Variants in B4GALNT2 observed in about 807,000 individuals in gnomAD.
B4GALNT2 encodes beta-1,4-N-acetyl-galactosaminyltransferase 2 (SID blood group), also known as N-acetylneuraminylgalactosylglucosyl-glucoside beta-1,4-N- acetylgalactosaminyltransferase 2.
Under a neutral mutation model 51.1 loss-of-function variants are expected in B4GALNT2, and 42 were observed. The observed-to-expected ratio is 0.82, with a 90% CI of 0.64 to 1.06. The LOEUF is 1.06. Among genes scored for constraint, B4GALNT2 ranks in the 50% least tolerant of loss-of-function variants. The pLI is 0.00. For missense variants in B4GALNT2, 602 were observed against 633.6 expected (o/e 0.95, Z 0.54); for synonymous variants, 253 against 251.7 (o/e 1.01, Z -0.05).
At position 49,175,325 on chromosome 17, in the gene B4GALNT2, C is replaced by T. The variant is rs1010185522; in HGVS notation, c.*5597C>T. 6.6e-6 allele frequency: 1 copy of T among 152,138 alleles called. No homozygotes were observed. Among genetic ancestry groups the T allele is most frequent in the Admixed American group, 6.6e-5 (1 of 15,258 alleles). The allele number at this position is 152,138 out of a possible 1,614,324, so 9.4% of individuals were successfully genotyped here. Reference sequence around the variant, plus strand: ...CTCCTATTCGTTTAATTTCACTTTTCCCCATTTCCACATACGGCACAATCA... The same window carrying T: ...CTCCTATTCGTTTAATTTCACTTTTTCCCATTTCCACATACGGCACAATCA... On this transcript the variant is annotated 3_prime_UTR_variant, in exon 11 of 11. Coordinates refer to ENST00000393354, the MANE Select transcript of B4GALNT2 (RefSeq NM_001159387.2).
chr17:49,148,678 G>A, intron 3 of B4GALNT2: 1 of 563,210 alleles, frequency 1.8e-6, no homozygotes, highest in African/African-American at 1.9e-5. Flanking sequence ...TTCATGACAT[G>A]AAGGTCGGGC....
chr17:49,137,265 G>A (rs893001761), intron 1 of B4GALNT2, among the ~76,000 whole-genome samples: 1 of 152,138 alleles, frequency 6.6e-6, no homozygotes, highest in Non-Finnish European at 1.5e-5. Context: ...TCCCCAATTA[G>A]ACAATGTTAA....
chr17:49,154,039 T>TCC (rs397706255), intron 4 of B4GALNT2, among the ~76,000 whole-genome samples: 1 of 150,104 alleles, frequency 6.7e-6, no homozygotes, highest in Admixed American at 6.7e-5. Flanking sequence ...GGAGTCTTGC[T>TCC]GTCACCCAGG....
At chr17:49,155,131 A>C (rs888514760) in intron 4 of B4GALNT2, among the ~76,000 whole-genome samples, 1 of 151,700 alleles carries the variant, frequency 6.6e-6, no homozygotes, top group Non-Finnish European at 1.5e-5. Flanking sequence ...CAACATAGTG[A>C]AACCTTGTCT....
rs1243575783 is a variant in B4GALNT2, at chr17:49,175,970, A to G, written c.*6242A>G. 6.6e-6 allele frequency: 1 copy of G among 152,146 alleles called. No individual in the cohort carries two copies. The highest frequency in any genetic ancestry group is 6.5e-5 in the Admixed American group (1 of 15,270). 9.4% of individuals were successfully genotyped at this position (152,146 alleles called of 1,614,324 possible). ...AACCTGCTGTGTCATCTCTTCTGTT[A>G]CTTTGTTATACTTTCCTTCCTTCTC... On this transcript the variant is annotated 3_prime_UTR_variant, in exon 11 of 11. Transcript: ENST00000393354.
chr17:49,143,543 T>C (rs1278064287), intron 3 of B4GALNT2, among the ~76,000 whole-genome samples: 1 of 152,170 alleles, frequency 6.6e-6, no homozygotes, highest in African/African-American at 2.4e-5. Context: ...AGTGCTCAAT[T>C]AACTGAGCCT....
chr17:49,128,456 G>A (rs764406684), upstream of B4GALNT2, among the ~76,000 whole-genome samples: 3 of 152,124 alleles, frequency 2.0e-5, no homozygotes, highest in Admixed American at 6.6e-5. Context: ...AAGGAGTTTT[G>A]GAGGAAGGAG....
chr17:49,130,782 A>C (rs540156936), upstream of B4GALNT2, among the ~76,000 whole-genome samples: 30 of 152,278 alleles, frequency 2.0e-4, no homozygotes, highest in African/African-American at 7.0e-4. Flanking sequence ...TTTTTGCCCA[A>C]GATATATGCT....
rs2042964954 is a variant in B4GALNT2, at chr17:49,172,755, A to G, written c.*3027A>G. On this transcript the variant is annotated 3_prime_UTR_variant, in exon 11 of 11. Transcript: ENST00000393354. ...GCTGGAATGCCCATCACCGCAAAAC[A>G]CTGCAAAAGGTGACGTTTAACACAG... is the stretch of plus-strand genomic sequence containing the variant. 1 of 152,162 alleles carries G rather than the reference A, an allele frequency of 6.6e-6. No individual in the cohort carries two copies. Among genetic ancestry groups the G allele is most frequent in the Non-Finnish European group, 1.5e-5 (1 of 68,038 alleles). 9.4% of individuals were successfully genotyped at this position (152,162 alleles called of 1,614,324 possible).
At chr17:49,163,529 G>A (rs891687143) in intron 7 of B4GALNT2, among the ~76,000 whole-genome samples, 4 of 152,092 alleles carry the variant, frequency 2.6e-5, no homozygotes, top group Non-Finnish European at 5.9e-5. Flanking sequence ...GCCGAGGCAG[G>A]TGGATCACCT....
intron 9 of B4GALNT2, among the ~76,000 whole-genome samples, chr17:49,167,589 T>C (rs1416900153): frequency 1.3e-5 from 2 of 151,424 alleles, no homozygotes; most frequent in Non-Finnish European, 2.9e-5. Flanking sequence ...CACAGGTAAT[T>C]TTTCAACCCT....
chr17:49,164,113 C>T lies in B4GALNT2; in HGVS notation c.792C>T (p.Thr264=), dbSNP rs751789672. 6.2e-7 allele frequency: 1 copy of T among 1,614,072 alleles called. No homozygotes were observed. The highest frequency in any genetic ancestry group is 8.5e-7 in the Non-Finnish European group (1 of 1,179,980). ...GPERKLRNLV[T]IATKTFLRPH... Reference sequence around the variant, plus strand: ...AGAGGAAGCTCAGAAACCTGGTTACCATTGCTACCAAGACTTTCCTCCGCC... The same window carrying T: ...AGAGGAAGCTCAGAAACCTGGTTACTATTGCTACCAAGACTTTCCTCCGCC... The change falls in exon 8 of 11, where the codon ACC becomes ACT. Residue 264 remains threonine, a synonymous_variant. Coordinates refer to ENST00000393354, the MANE Select transcript of B4GALNT2 (RefSeq NM_001159387.2).
chr17:49,176,632 G>T lies in B4GALNT2; in HGVS notation c.*6904G>T, dbSNP rs2042990678. 6.6e-6 allele frequency: 1 copy of T among 152,158 alleles called. No individual in the cohort carries two copies. Among genetic ancestry groups the T allele is most frequent in the African/African-American group, 2.4e-5 (1 of 41,424 alleles). The allele number at this position is 152,158 out of a possible 1,614,324, so 9.4% of individuals were successfully genotyped here. A position where few individuals can be genotyped will look rare whatever the true frequency, so the allele number is the denominator to read the frequency against. ...ATGGCCATCATGAACATGTCACAGT[G>T]CTGCAGAGATTTTATTTATGGCCAG... is the stretch of plus-strand genomic sequence containing the variant. On this transcript the variant is annotated 3_prime_UTR_variant, in exon 11 of 11. Transcript: ENST00000393354.
chr17:49,148,156 C>T (rs1198395870), intron 3 of B4GALNT2, among the ~76,000 whole-genome samples: 1 of 151,634 alleles, frequency 6.6e-6, no homozygotes, highest in East Asian at 1.9e-4. Flanking sequence ...AAAAATTAGT[C>T]GAGCGTGATG....
Position 49,169,655 on chromosome 17 carries a change from C to T in B4GALNT2, c.1448C>T (p.Ser483Phe). 6.2e-7 allele frequency: 1 copy of T among 1,610,982 alleles called. No homozygotes were observed. The highest frequency in any genetic ancestry group is 8.5e-7 in the Non-Finnish European group (1 of 1,178,030). ...ALEKTYNTYR[S>F]NTLTRVQFKL... ...GAGAAGACCTACAATACATACCGGTCCAACACCCTCACCCGGGTCCAGTTC... is the reference window on the plus strand; with the variant it reads ...GAGAAGACCTACAATACATACCGGTTCAACACCCTCACCCGGGTCCAGTTC... The change falls in exon 11 of 11, where the codon TCC becomes TTC. Residue 483 changes from serine (S) to phenylalanine (F), a missense_variant. Transcript: ENST00000393354.
intron 1 of B4GALNT2, 88 bp downstream of exon 1, chr17:49,132,894 G>A (rs1333755317): frequency 1.9e-5 from 26 of 1,377,870 alleles, no homozygotes; most frequent in Non-Finnish European, 2.4e-5. Flanking sequence ...TGCAGAGCGG[G>A]CAGGTGCTGG....
upstream of B4GALNT2, among the ~76,000 whole-genome samples, chr17:49,131,431 C>T (rs1369237624): frequency 7.2e-6 from 1 of 138,154 alleles, no homozygotes; most frequent in East Asian, 2.2e-4. Context: ...TTTCCTTCTA[C>T]TCTTTTCCAA....
rs1265741389 is a variant in B4GALNT2 at position 49,170,195 on chromosome 17, G to A, written c.*467G>A. 6.5e-6 allele frequency: 1 copy of A among 153,330 alleles called. No individual in the cohort carries two copies. Among genetic ancestry groups the A allele is most frequent in the Non-Finnish European group, 1.5e-5 (1 of 68,750 alleles). 9.5% of individuals were successfully genotyped at this position (153,330 alleles called of 1,614,324 possible). On this transcript the variant is annotated 3_prime_UTR_variant, in exon 11 of 11. Coordinates refer to ENST00000393354, the MANE Select transcript of B4GALNT2 (RefSeq NM_001159387.2). ...ACTCAAAAAATGTGAACATTCCAGG[G>A]TCCTTGCCTTGAGGAGGTTTGCAGC...
chr17:49,145,707 G>T (rs2042688635), intron 3 of B4GALNT2, among the ~76,000 whole-genome samples: 2 of 152,106 alleles, frequency 1.3e-5, no homozygotes, highest in South Asian at 4.1e-4. Context: ...TAATCACAGG[G>T]CATGGTAATA....
Sources: allele counts gnomAD v4.1 joint callset (sites outside exome capture counted in the v4.1 genomes callset), GRCh38; gene constraint gnomAD v4.1.1; transcripts MANE v1.5; gene names NCBI Gene and HGNC (gene_info 2026-07-23, HGNC 2026-07-21).